Variants in ARHGEF11 observed in about 807,000 individuals in gnomAD.
ARHGEF11 encodes Rho guanine nucleotide exchange factor 11.
Under a neutral mutation model 193.7 loss-of-function variants are expected in ARHGEF11, and 55 were observed. That is an observed-to-expected ratio of 0.28 (90% CI 0.23 to 0.36). The LOEUF (loss-of-function observed/expected upper bound fraction) is 0.36, where lower values mean the gene tolerates loss of function less well. ARHGEF11 is among the 10% of genes least tolerant of loss of function. ARHGEF11 has a pLI of 1.00. For synonymous variants in ARHGEF11, 693 were observed against 768.0 expected (o/e 0.90, Z 1.62); for missense variants, 1,723 against 2,005.6 (o/e 0.86, Z 2.69).
At chr1:157,042,812 A>G (rs1672922923) in intron 1 of ARHGEF11, among the ~76,000 whole-genome samples, 1 of 152,176 alleles carries the variant, frequency 6.6e-6, no homozygotes, top group Non-Finnish European at 1.5e-5. Flanking sequence ...AGAGTTCACC[A>G]TCCAAATCTT....
At chr1:156,944,153 C>T (rs1372161659) in intron 31 of ARHGEF11, 51 bp from the exon 32 acceptor site, 1 of 1,591,132 alleles carries the variant, frequency 6.3e-7, no homozygotes, top group Non-Finnish European at 8.6e-7. Context: ...ACTCATCCCT[C>T]ATGAGCACAA....
intron 1 of ARHGEF11, among the ~76,000 whole-genome samples, chr1:157,022,740 G>A (rs966856508): frequency 6.6e-6 from 1 of 152,020 alleles, no homozygotes; most frequent in African/African-American, 2.4e-5. Flanking sequence ...ACTCAAAGTT[G>A]GAGAACTCAC....
intron 1 of ARHGEF11, among the ~76,000 whole-genome samples, chr1:156,990,828 T>C (rs910539437): frequency 6.6e-6 from 1 of 152,184 alleles, no homozygotes; most frequent in African/African-American, 2.4e-5. Context: ...AGATACTCCA[T>C]GCTCACCTTG....
intron 13 of ARHGEF11, among the ~76,000 whole-genome samples, chr1:156,962,908 A>AAAC: frequency 4.1e-5 from 6 of 146,036 alleles, no homozygotes; most frequent in East Asian, 4.2e-4. Flanking sequence ...AAAAAAAAAA[A>AAAC]CTCTAGGAAG....
chr1:156,991,356 G>A (rs1030373361), intron 1 of ARHGEF11, among the ~76,000 whole-genome samples: 6 of 152,170 alleles, frequency 3.9e-5, no homozygotes, highest in African/African-American at 9.7e-5. Flanking sequence ...GTTTCACTCC[G>A]TCGCCCAGAC....
intron 1 of ARHGEF11, among the ~76,000 whole-genome samples, chr1:157,014,030 T>C (rs1480914435): frequency 6.6e-6 from 1 of 152,220 alleles, no homozygotes; most frequent in East Asian, 1.9e-4. Flanking sequence ...CACTGCTGTG[T>C]GATCTAACAT....
chr1:156,970,055 A>G lies in ARHGEF11; in HGVS notation c.703-12T>C. The G allele has an allele frequency of 6.2e-7, 1 of 1,613,754 alleles. No homozygotes were observed. The highest frequency in any genetic ancestry group is 8.5e-7 in the Non-Finnish European group (1 of 1,179,726). ...AGTGGAAGTATGTCCTGAAACAGAA[A>G]GGCCCACAGGGTGGGCAAATTCTGT... On this transcript the variant is annotated splice_polypyrimidine_tract_variant and intron_variant, in intron 8 of 40. Transcript: ENST00000368194.
chr1:156,977,750 A>G (rs1281434092), intron 6 of ARHGEF11, among the ~76,000 whole-genome samples: 1 of 151,872 alleles, frequency 6.6e-6, no homozygotes, highest in Non-Finnish European at 1.5e-5. Context: ...CCCTCCCTCT[A>G]CTGAGTGGGC....
chr1:156,963,139 G>A, intron 13 of ARHGEF11, 64 bp downstream of exon 13: 2 of 1,293,430 alleles, frequency 1.5e-6, no homozygotes, highest in Non-Finnish European at 2.2e-6. Flanking sequence ...CAGAAACAGA[G>A]GCTAGAGGTC....
At chr1:156,991,093 T>C (rs1423219946) in intron 1 of ARHGEF11, among the ~76,000 whole-genome samples, 1 of 152,190 alleles carries the variant, frequency 6.6e-6, no homozygotes, top group East Asian at 1.9e-4. Context: ...GTCTTCCTTT[T>C]CTCATATTGA....
chr1:156,961,444 C>T (rs533917219), intron 14 of ARHGEF11, among the ~76,000 whole-genome samples: 2 of 152,194 alleles, frequency 1.3e-5, no homozygotes, highest in Admixed American at 6.5e-5. Context: ...CAATCTCTTC[C>T]TCCAAACATT....
chr1:157,037,196 G>A lies in ARHGEF11; in HGVS notation c.32+7103C>T, dbSNP rs571951275. ...TACTGGTTAATTCTGCTACCAAAAC[G>A]TCTTGGGAATCCTGCCACTCCTCTT... On this transcript the variant is annotated intron_variant, in intron 1 of 40. Transcript: ENST00000368194. Among the ~76,000 whole-genome samples the A allele has an allele frequency of 1.4e-4, 21 of 152,126 alleles. No homozygotes were observed. The South Asian group carries it at 3.3e-3, about 24-fold the overall frequency.
intron 1 of ARHGEF11, among the ~76,000 whole-genome samples, chr1:157,002,003 T>A (rs1358106928): frequency 6.6e-6 from 1 of 152,202 alleles, no homozygotes; most frequent in Admixed American, 6.5e-5. Context: ...GGCCTTATAT[T>A]TCTCCTAAGC....
At chr1:156,990,023 C>T (rs1665493813) in intron 1 of ARHGEF11, among the ~76,000 whole-genome samples, 1 of 152,206 alleles carries the variant, frequency 6.6e-6, no homozygotes, top group Non-Finnish European at 1.5e-5. Flanking sequence ...ATATACAGTA[C>T]ACATTCAAAT....
intron 37 of ARHGEF11, chr1:156,939,025 T>TG (rs1656176819): frequency 5.2e-6 from 1 of 193,478 alleles, no homozygotes; most frequent in Admixed American, 5.8e-5. Context: ...CCTGCCACCT[T>TG]GTTCACTCCC....
chr1:157,024,131 C>T (rs559591399), intron 1 of ARHGEF11, among the ~76,000 whole-genome samples: 1 of 152,248 alleles, frequency 6.6e-6, no homozygotes, highest in South Asian at 2.1e-4. Context: ...ACATGCTACA[C>T]CACAATGAAC....
intron 18 of ARHGEF11, 97 bp from the exon 19 acceptor site, chr1:156,956,661 G>T: frequency 6.6e-7 from 1 of 1,512,146 alleles, no homozygotes; most frequent in Admixed American, 2.0e-5. Context: ...TGGGGAAGGG[G>T]TAGTTACAGG....
intron 3 of ARHGEF11, among the ~76,000 whole-genome samples, chr1:156,980,986 G>C (rs1664090384): frequency 6.6e-6 from 1 of 151,978 alleles, no homozygotes; most frequent in Non-Finnish European, 1.5e-5. Flanking sequence ...AAAGACAACT[G>C]TTTTCTTTCT....
At chr1:156,938,535 C>T (rs780266065) in intron 37 of ARHGEF11, 22 bp from the exon 38 acceptor site, 1 of 1,608,578 alleles carries the variant, frequency 6.2e-7, no homozygotes, top group Non-Finnish European at 8.5e-7. Flanking sequence ...CCACCACCAC[C>T]AGGAAGAGGA....
Sources: allele counts gnomAD v4.1 joint callset (sites outside exome capture counted in the v4.1 genomes callset), GRCh38; gene constraint gnomAD v4.1.1; transcripts MANE v1.5; gene names NCBI Gene and HGNC (gene_info 2026-07-23, HGNC 2026-07-21).